Variants in CEACAM5 observed in about 807,000 individuals in gnomAD.
CEACAM5 encodes cell adhesion molecule CEACAM5.
In CEACAM5, 52 loss-of-function variants were observed where a neutral mutation model predicts 63.0. The ratio of observed to expected loss-of-function variants is 0.83; its 90% confidence interval spans 0.66 to 1.04. The LOEUF is 1.04. Among genes scored for constraint, CEACAM5 ranks in the 50% least tolerant of loss-of-function variants. The pLI is 0.00. For synonymous variants in CEACAM5, 357 were observed against 351.3 expected (o/e 1.02, Z -0.18); for missense variants, 790 against 864.8 (o/e 0.91, Z 1.08).
chr19:41,721,152 A>G lies in CEACAM5; in HGVS notation c.2002A>G (p.Ile668Val), dbSNP rs2072615679. 1.2e-6 allele frequency: 2 copies of G among 1,614,088 alleles called. No individual in the cohort carries two copies. Among genetic ancestry groups the G allele is most frequent in the East Asian group, 2.2e-5 (1 of 44,894 alleles). The change falls in exon 8 of 10, where the codon ATA becomes GTA. Residue 668 changes from isoleucine (I) to valine (V), a missense_variant. Coordinates refer to ENST00000221992, the MANE Select transcript of CEACAM5 (RefSeq NM_004363.6). ...SNLATGRNNS[I>V]VKSITVSASG... ...CTTGGCTACTGGCCGCAATAATTCC[A>G]TAGTCAAGAGCATCACAGTCTCTGG...
chr19:41,718,340 AG>A lies in CEACAM5; in HGVS notation c.1451del (p.Ser484MetfsTer53). On this transcript the variant is annotated frameshift_variant, in exon 6 of 10. Coordinates refer to ENST00000221992, the MANE Select transcript of CEACAM5 (RefSeq NM_004363.6). LOFTEE classifies it high-confidence loss of function. ...LYTCQANNSA[S>X]GHSRTTVKTI... is the part of the protein sequence containing the mutation. ...TACCTGCCAGGCCAATAACTCAGCC[AG>A]TGGCCACAGCAGGACTACAGTCAAG... 1.9e-6 allele frequency: 3 copies of A among 1,613,918 alleles called. No homozygotes were observed. Among genetic ancestry groups the A allele is most frequent in the Non-Finnish European group, 2.5e-6 (3 of 1,179,776 alleles).
intron 1 of CEACAM5, among the ~76,000 whole-genome samples, chr19:41,709,142 G>A (rs1004336290): frequency 7.9e-5 from 12 of 152,248 alleles, no homozygotes; most frequent in Admixed American, 2.6e-4. Context: ...AGGCTGTGGA[G>A]GGCCCTGGGA....
intron 2 of CEACAM5, 105 bp from the exon 3 acceptor site, chr19:41,714,866 G>T: frequency 6.4e-7 from 1 of 1,565,650 alleles, no homozygotes; most frequent in Non-Finnish European, 8.6e-7. Context: ...GGTTTTTAAG[G>T]GCTCAGGTGG....
intron 2 of CEACAM5, 102 bp downstream of exon 2, chr19:41,710,141 C>G: frequency 2.0e-6 from 3 of 1,493,610 alleles, no homozygotes; most frequent in South Asian, 2.6e-5. Context: ...CTCTGCATTA[C>G]GCACCATGTT....
In CEACAM5 at chr19:41,721,123, C is replaced by G. The variant is rs782735814; in HGVS notation, c.1973C>G (p.Ser658Cys). The G allele has an allele frequency of 2.5e-6, 4 of 1,614,118 alleles. No individual in the cohort carries two copies. Among genetic ancestry groups the G allele is most frequent in the Non-Finnish European group, 3.4e-6 (4 of 1,180,050 alleles). The change falls in exon 8 of 10, where the codon TCT becomes TGT. Residue 658 changes from serine to cysteine, a missense_variant. Physicochemically the swap from Ser to Cys is moderately radical, Grantham distance 112. Coordinates refer to ENST00000221992, the MANE Select transcript of CEACAM5 (RefSeq NM_004363.6). ...NNNGTYACFVSNLATGRNNSI... is the reference protein window; with the variant it reads ...NNNGTYACFVCNLATGRNNSI... ...AACGGGACCTATGCCTGTTTTGTCTCTAACTTGGCTACTGGCCGCAATAAT... is the reference window on the plus strand; with the variant it reads ...AACGGGACCTATGCCTGTTTTGTCTGTAACTTGGCTACTGGCCGCAATAAT...
intron 4 of CEACAM5, 125 bp from the exon 5 acceptor site, chr19:41,717,330 C>CA: frequency 9.8e-7 from 1 of 1,024,542 alleles, no homozygotes; most frequent in Non-Finnish European, 1.5e-6. Context: ...CGCACACACA[C>CA]CTGCCATGAG....
intron 9 of CEACAM5, among the ~76,000 whole-genome samples, chr19:41,728,873 C>A (rs1293211903): frequency 6.6e-6 from 1 of 151,252 alleles, no homozygotes; most frequent in Middle Eastern, 3.2e-3. Context: ...TTAATGGGCT[C>A]CACCAGGAAA....
intron 3 of CEACAM5, 67 bp from the exon 4 acceptor site, chr19:41,715,583 T>C: frequency 6.3e-7 from 1 of 1,591,374 alleles, no homozygotes; most frequent in Non-Finnish European, 8.6e-7. Flanking sequence ...CTGTGGTCCT[T>C]CCATAGACCA....
intron 8 of CEACAM5, among the ~76,000 whole-genome samples, chr19:41,726,151 T>C (rs1243004544): frequency 1.3e-5 from 2 of 152,222 alleles, no homozygotes; most frequent in African/African-American, 2.4e-5. Flanking sequence ...GGAAACTTCA[T>C]AAATATTAGC....
rs1411339693 is a variant in CEACAM5, at chr19:41,709,937, C to A, written c.322C>A (p.Leu108Met). The change falls in exon 2 of 10, where the codon CTG becomes ATG. Residue 108 changes from leucine to methionine, a missense_variant. Coordinates refer to ENST00000221992, the MANE Select transcript of CEACAM5 (RefSeq NM_004363.6). ...GATAATATACCCCAATGCATCCCTGCTGATCCAGAACATCATCCAGAATGA... is the reference window on the plus strand; with the variant it reads ...GATAATATACCCCAATGCATCCCTGATGATCCAGAACATCATCCAGAATGA... ...REIIYPNASL[L>M]IQNIIQNDTG... 1.2e-6 allele frequency: 2 copies of A among 1,614,022 alleles called. No individual in the cohort carries two copies. The highest frequency in any genetic ancestry group is 8.5e-7 in the Non-Finnish European group (1 of 1,180,016).
At chr19:41,722,919 G>GT (rs1183549659) in intron 8 of CEACAM5, among the ~76,000 whole-genome samples, 1 of 151,462 alleles carries the variant, frequency 6.6e-6, no homozygotes, top group African/African-American at 2.4e-5. Context: ...TTGTTTGTTT[G>GT]TTTTTTGAGA....
intron 2 of CEACAM5, among the ~76,000 whole-genome samples, chr19:41,711,141 G>T (rs938825815): frequency 6.6e-6 from 1 of 152,112 alleles, no homozygotes. Context: ...GCTCAGAAGC[G>T]GAGATTCTGG....
At chr19:41,712,058 G>A (rs955369120) in intron 2 of CEACAM5, among the ~76,000 whole-genome samples, 5 of 152,182 alleles carry the variant, frequency 3.3e-5, no homozygotes, top group Non-Finnish European at 5.9e-5. Context: ...GCAGCAGGAC[G>A]GGAATGAGCG....
intron 9 of CEACAM5, 69 bp from the exon 10 acceptor site, chr19:41,729,115 G>A (rs1333837861): frequency 6.6e-6 from 1 of 152,142 alleles, no homozygotes; most frequent in Admixed American, 6.5e-5. Flanking sequence ...TATGTGAGTT[G>A]TGTTCTTATT....
At position 41,727,338 on chromosome 19, in the gene CEACAM5, A is replaced by AT; in HGVS notation, c.*25dup. The AT allele has an allele frequency of 6.5e-7, 1 of 1,549,064 alleles. No homozygotes were observed. Among genetic ancestry groups the AT allele is most frequent in the Non-Finnish European group, 8.9e-7 (1 of 1,121,414 alleles). On this transcript the variant is annotated 3_prime_UTR_variant, in exon 9 of 10. Coordinates refer to ENST00000221992, the MANE Select transcript of CEACAM5 (RefSeq NM_004363.6). ...ATAGCAGCCCTGGTGTAGTTTCTTC[A>AT]TTTCAGGAAGACTGGTAGGTATAAT... is the stretch of plus-strand genomic sequence containing the variant.
rs147510914 is a variant in CEACAM5 at position 41,715,097 on chromosome 19, G to A, written c.551G>A (p.Ser184Asn). ...TACCTGTGGTGGGTAAACAATCAGA[G>A]CCTCCCGGTCAGTCCCAGGCTGCAG... is the stretch of plus-strand genomic sequence containing the variant. ...ATYLWWVNNQSLPVSPRLQLS... is the reference protein window; with the variant it reads ...ATYLWWVNNQNLPVSPRLQLS... The change falls in exon 3 of 10, where the codon AGC becomes AAC. Residue 184 changes from serine (S) to asparagine (N), a missense_variant. Ser to Asn is a conservative substitution (Grantham distance 46). Transcript: ENST00000221992. The A allele has an allele frequency of 1.2e-6, 2 of 1,614,188 alleles. No individual in the cohort carries two copies. Among genetic ancestry groups the A allele is most frequent in the Admixed American group, 1.7e-5 (1 of 60,020 alleles).
At chr19:41,710,343 G>A (rs1461561257) in intron 2 of CEACAM5, among the ~76,000 whole-genome samples, 8 of 152,182 alleles carry the variant, frequency 5.3e-5, no homozygotes, top group African/African-American at 1.9e-4. Context: ...CCCTGAGAAA[G>A]ACCCTGGAGA....
intron 4 of CEACAM5, among the ~76,000 whole-genome samples, chr19:41,716,471 A>G (rs2072528771): frequency 6.6e-6 from 1 of 152,182 alleles, no homozygotes; most frequent in Non-Finnish European, 1.5e-5. Context: ...TCTGTCCTGA[A>G]TTCGGCTAAA....
rs1555813333 is a variant in CEACAM5 at position 41,708,746 on chromosome 19, G to A, written c.15G>A (p.Ser5=). The A allele has an allele frequency of 3.7e-6, 6 of 1,611,462 alleles. No individual in the cohort carries two copies. Among genetic ancestry groups the A allele is most frequent in the African/African-American group, 1.3e-5 (1 of 74,954 alleles). Residue 5 remains serine, a synonymous_variant, in exon 1 of 10, where the codon TCG becomes TCA. Transcript: ENST00000221992. ...CAGCAGAGACCATGGAGTCTCCCTC[G>A]GCCCCTCCCCACAGATGGTGCATCC... MESP[S]APPHRWCIPW...
Sources: gnomAD v4.1 joint callset for allele counts (sites outside exome capture counted in the v4.1 genomes callset) on GRCh38, gnomAD v4.1.1 for gene constraint, MANE v1.5 for transcripts, NCBI Gene and HGNC (gene_info 2026-07-23, HGNC 2026-07-21) for gene names.